The following POLA1 variants were observed in gnomAD, a reference collection of about 807,000 sequenced individuals.
POLA1 encodes DNA polymerase alpha catalytic subunit.
In POLA1, 15 loss-of-function variants were observed where a neutral mutation model predicts 124.0. The ratio of observed to expected loss-of-function variants is 0.12; its 90% confidence interval spans 0.08 to 0.19. The LOEUF is 0.19. POLA1 is among the 10% of genes least tolerant of loss of function. The pLI is 1.00. For missense variants in POLA1, 886 were observed against 1,103.4 expected (o/e 0.80, Z 2.79); for synonymous variants, 408 against 389.4 (o/e 1.05, Z -0.56).
intron 34 of POLA1, among the ~76,000 whole-genome samples, chrX:24,855,254 G>C (rs2046628166): frequency 9.0e-6 from 1 of 111,374 alleles, no homozygotes; most frequent in Admixed American, 9.5e-5. Context: ...TACTTTTGGG[G>C]GGAGGGGTGT....
In POLA1 at chrX:24,714,402, C is replaced by T. The variant is rs760820961; in HGVS notation, c.347-152C>T. On this transcript the variant is annotated intron_variant, in intron 4 of 36. Coordinates refer to ENST00000379068, the MANE Select transcript of POLA1 (RefSeq NM_001330360.2). Reference sequence around the variant, plus strand: ...CGATCTCCTGATCTCGTGATCCTCCCGCCTTGGCCTCCCAAAGTGCTGGGA... The same window carrying T: ...CGATCTCCTGATCTCGTGATCCTCCTGCCTTGGCCTCCCAAAGTGCTGGGA... 34 of 405,097 alleles carry T rather than the reference C, an allele frequency of 8.4e-5. 1 individual carries two copies. The highest frequency in any genetic ancestry group is 7.0e-4 in the South Asian group (15 of 21,514). The allele number at this position is 405,097 out of a possible 1,213,427, so 33.4% of individuals were successfully genotyped here. A position where few individuals can be genotyped will look rare whatever the true frequency, so the allele number is the denominator to read the frequency against.
chrX:24,737,931 T>TTAAAATCATTGGTTAGAATCTA (rs1931378366), intron 19 of POLA1, among the ~76,000 whole-genome samples, 190 bp downstream of exon 19: 4 of 108,923 alleles, frequency 3.7e-5, no homozygotes, highest in African/African-American at 1.4e-4. Context: ...CTGGTAGTTT[T>TTAAAATCATTGGTTAGAATCTA]GGCCGGGCGC....
intron 27 of POLA1, among the ~76,000 whole-genome samples, chrX:24,810,393 A>T (rs901419164): frequency 1.5e-4 from 17 of 110,814 alleles, no homozygotes; most frequent in African/African-American, 4.9e-4. Context: ...CCCATTTCCT[A>T]GTCTTTTATT....
intron 34 of POLA1, among the ~76,000 whole-genome samples, chrX:24,866,785 A>G (rs1053276858): frequency 1.8e-5 from 2 of 112,291 alleles, no homozygotes; most frequent in Non-Finnish European, 3.8e-5. Context: ...CATTAACACA[A>G]GCTTTACTGG....
At chrX:24,740,652 C>T (rs1476114874) in intron 20 of POLA1, among the ~76,000 whole-genome samples, 1 of 111,469 alleles carries the variant, frequency 9.0e-6, no homozygotes, top group Non-Finnish European at 1.9e-5. Flanking sequence ...CTCTTTCCAT[C>T]ATTCTCTCTG....
At chrX:24,724,998 G>A (rs111476969) in intron 12 of POLA1, among the ~76,000 whole-genome samples, 1 of 110,971 alleles carries the variant, frequency 9.0e-6, no homozygotes, top group Non-Finnish European at 1.9e-5. Flanking sequence ...GAAGGATTGA[G>A]TTGCTGAAGA....
At chrX:24,962,925 A>G (rs2048184296) in intron 36 of POLA1, among the ~76,000 whole-genome samples, 1 of 111,804 alleles carries the variant, frequency 8.9e-6, no homozygotes, top group African/African-American at 3.2e-5. Context: ...TCTCACTACT[A>G]TATAAGAATG....
intron 35 of POLA1, among the ~76,000 whole-genome samples, chrX:24,916,906 A>G (rs1242292727): frequency 8.9e-6 from 1 of 112,430 alleles, no homozygotes; most frequent in Non-Finnish European, 1.9e-5. Flanking sequence ...TTTCTATCGC[A>G]TGTAGAAAGC....
intron 26 of POLA1, among the ~76,000 whole-genome samples, chrX:24,798,227 A>G (rs990594757): frequency 7.1e-5 from 8 of 111,973 alleles, no homozygotes; most frequent in African/African-American, 2.6e-4. Context: ...CAGCAAAAGT[A>G]TAGAGTATAA....
chrX:24,836,899 A>G (rs1284866567), intron 32 of POLA1, among the ~76,000 whole-genome samples: 1 of 111,850 alleles, frequency 8.9e-6, no homozygotes, highest in African/African-American at 3.2e-5. Context: ...TATGTTTTAT[A>G]TACATCTTAT....
At chrX:24,815,915 TAC>T (rs944902485) in intron 30 of POLA1, among the ~76,000 whole-genome samples, 26 of 112,174 alleles carry the variant, frequency 2.3e-4, no homozygotes, top group Admixed American at 1.4e-3. Flanking sequence ...TTGCAGCAAT[TAC>T]AGTGTTATTT....
intron 36 of POLA1, among the ~76,000 whole-genome samples, chrX:24,979,714 CT>C (rs1452311361): frequency 8.9e-6 from 1 of 112,124 alleles, no homozygotes; most frequent in African/African-American, 3.2e-5. Flanking sequence ...ATGGAAATGC[CT>C]GAAGAGTGCT....
chrX:24,880,858 TA>T (rs1288894493), intron 34 of POLA1, among the ~76,000 whole-genome samples: 1 of 111,637 alleles, frequency 9.0e-6, no homozygotes, highest in Non-Finnish European at 1.9e-5. Context: ...AGTTTTGGTA[TA>T]GGGGTGGTTA....
intron 4 of POLA1, among the ~76,000 whole-genome samples, chrX:24,710,366 A>C (rs1398694761): frequency 9.0e-6 from 1 of 111,479 alleles, no homozygotes; most frequent in Non-Finnish European, 1.9e-5. Flanking sequence ...ATTTCATATA[A>C]ATGAATCATG....
intron 34 of POLA1, among the ~76,000 whole-genome samples, chrX:24,870,924 G>A (rs1367531713): frequency 2.7e-5 from 3 of 111,604 alleles, no homozygotes; most frequent in Non-Finnish European, 5.6e-5. Flanking sequence ...CTCCTAAGAT[G>A]GCAGATCTTT....
At chrX:24,727,148 G>A (rs1249246945) in intron 14 of POLA1, 77 bp downstream of exon 14, 7 of 872,710 alleles carry the variant, frequency 8.0e-6, no homozygotes, top group East Asian at 3.2e-5. Context: ...TTAGGAAATT[G>A]ATCTATTTAT....
intron 34 of POLA1, among the ~76,000 whole-genome samples, chrX:24,865,581 AAC>A (rs1252340117): frequency 4.5e-5 from 5 of 112,041 alleles, no homozygotes; most frequent in Non-Finnish European, 9.4e-5. Flanking sequence ...GAACTATTAA[AAC>A]ACAGAGATTT....
intron 26 of POLA1, among the ~76,000 whole-genome samples, chrX:24,763,669 G>A (rs1290611006): frequency 9.0e-6 from 1 of 110,738 alleles, no homozygotes; most frequent in Non-Finnish European, 1.9e-5. Flanking sequence ...GAGAAGAGGT[G>A]GGAAAACATG....
intron 36 of POLA1, among the ~76,000 whole-genome samples, chrX:24,976,000 CTA>C (rs1428218616): frequency 8.9e-6 from 1 of 112,398 alleles, no homozygotes; most frequent in Non-Finnish European, 1.9e-5. Context: ...TAGATCTTGT[CTA>C]TAATGCCTTA....
Sources: gnomAD v4.1 joint callset for allele counts (sites outside exome capture counted in the v4.1 genomes callset) on GRCh38, gnomAD v4.1.1 for gene constraint, MANE v1.5 for transcripts, NCBI Gene and HGNC (gene_info 2026-07-23, HGNC 2026-07-21) for gene names.